The following SHISA5 variants were observed in gnomAD, a reference collection of about 807,000 sequenced individuals.
The protein encoded by SHISA5 is shisa family member 5, also known as protein shisa-5.
SHISA5 carries 21 observed loss-of-function variants against 27.5 expected under a neutral mutation model. The ratio of observed to expected loss-of-function variants is 0.76; its 90% CI spans 0.54 to 1.10. The LOEUF (loss-of-function observed/expected upper bound fraction) is 1.10. SHISA5 is among the 50% of genes least tolerant of loss of function. The pLI is 0.00. For synonymous variants in SHISA5, 137 were observed against 142.2 expected, an observed-to-expected ratio of 0.96 and a Z score of 0.26; for missense variants, 314 against 336.3, an observed-to-expected ratio of 0.93 and a Z score of 0.52.
upstream of SHISA5, chr3:48,504,214 C>G (rs1262957222): frequency 2.4e-6 from 1 of 410,324 alleles, no homozygotes; most frequent in Non-Finnish European, 4.1e-6. This position sits in a 1 kb window ranked among gnomAD's most constrained non-coding sequence, Gnocchi z 4.0. Flanking sequence ...GGCTGGTTCC[C>G]GGAACCTCTG....
At chr3:48,479,983 A>G (rs1575313736) in intron 2 of SHISA5, among the ~76,000 whole-genome samples, 2 of 151,202 alleles carry the variant, frequency 1.3e-5, no homozygotes, top group Admixed American at 1.3e-4. Context: ...GGCTCACTGC[A>G]AGCTCCGCCT....
Position 48,504,079 on chromosome 3 carries a change from G to C in SHISA5, c.16C>G (p.Pro6Ala). Residue 6 changes from proline (P) to alanine (A), a missense_variant, in exon 1 of 6, where the codon CCC (proline) becomes GCC (alanine). Transcript: ENST00000296444. This position sits in a 1 kb window ranked among gnomAD's most constrained non-coding sequence, Gnocchi z 4.0. Reference sequence around the variant, plus strand: ...AACGGCAACAGGATCCGCGGCGCGGGGACCGGCGCAGTCATGGCTGGGCGG... The same window carrying C: ...AACGGCAACAGGATCCGCGGCGCGGCGACCGGCGCAGTCATGGCTGGGCGG... MTAPV[P>A]APRILLPLLL... The C allele has an allele frequency of 7.2e-7, 1 of 1,398,352 alleles. No homozygotes were observed. Among genetic ancestry groups the C allele is most frequent in the Non-Finnish European group, 9.4e-7 (1 of 1,067,816 alleles). The allele number at this position is 1,398,352 out of a possible 1,614,324, so 86.6% of individuals were successfully genotyped here.
upstream of SHISA5, chr3:48,504,190 C>A: frequency 2.0e-6 from 1 of 497,880 alleles, no homozygotes; most frequent in Non-Finnish European, 3.1e-6. This position sits in a 1 kb window ranked among gnomAD's most constrained non-coding sequence, Gnocchi z 4.0. Context: ...CCTCGCCCCG[C>A]CCCGCCCCGG....
intron 3 of SHISA5, chr3:48,477,020 A>G (rs774647736): frequency 2.3e-6 from 1 of 441,124 alleles, no homozygotes; most frequent in South Asian, 1.6e-5. Flanking sequence ...AACCCCAGGA[A>G]GCCACTCCTC....
chr3:48,484,262 T>G (rs1031528837), intron 2 of SHISA5, among the ~76,000 whole-genome samples: 2 of 152,172 alleles, frequency 1.3e-5, no homozygotes, highest in Non-Finnish European at 2.9e-5. Flanking sequence ...CCTAATACAC[T>G]TGGAGGAAAA....
intron 1 of SHISA5, among the ~76,000 whole-genome samples, chr3:48,502,798 C>T (rs1054727908): frequency 2.6e-5 from 4 of 152,208 alleles, no homozygotes; most frequent in African/African-American, 9.7e-5. Flanking sequence ...ATAACTACAT[C>T]GGCCTGGAAA....
rs557520702 is a variant in SHISA5, at chr3:48,473,771, A to G, written c.315-3928T>C. On this transcript the variant is annotated intron_variant, in intron 3 of 5. Transcript: ENST00000296444. The surrounding 1 kb of genome is among the most constrained non-coding windows in gnomAD (Gnocchi z 4.3). ...ATGTATTATAGTTGACAATAAAAGA[A>G]GAAAAGAGGCCATGTGCAGTGGCTC... Among the ~76,000 whole-genome samples the G allele has an allele frequency of 6.6e-5, 10 of 152,294 alleles. No homozygotes were observed. The highest frequency in any genetic ancestry group is 5.8e-4 in the East Asian group (3 of 5,182).
intron 2 of SHISA5, among the ~76,000 whole-genome samples, chr3:48,489,282 A>T (rs2041348111): frequency 6.7e-6 from 1 of 150,148 alleles, no homozygotes; most frequent in Non-Finnish European, 1.5e-5. Flanking sequence ...AAAGTGGCCC[A>T]GAGAAGGCAA....
chr3:48,503,283 T>G, intron 1 of SHISA5: 1 of 750,076 alleles, frequency 1.3e-6, no homozygotes, highest in Non-Finnish European at 2.0e-6. Context: ...TGACCGACCC[T>G]CCTACAGGCT....
In SHISA5 at chr3:48,473,444, C is replaced by A; in HGVS notation, c.315-3601G>T. On this transcript the variant is annotated intron_variant, in intron 3 of 5. Transcript: ENST00000296444. This position sits in a 1 kb window ranked among gnomAD's most constrained non-coding sequence, Gnocchi z 4.3. ...TTCCACCTAACCCACCGGCCCTGTT[C>A]CACCAGCCTCCAGGAGGAGCTTCTG... The A allele has an allele frequency of 7.7e-7, 1 of 1,297,144 alleles. No individual in the cohort carries two copies. Among genetic ancestry groups the A allele is most frequent in the Non-Finnish European group, 1.0e-6 (1 of 994,104 alleles). The allele number at this position is 1,297,144 out of a possible 1,614,324, so 80.4% of individuals were successfully genotyped here.
chr3:48,496,827 A>C (rs780167320), intron 2 of SHISA5, among the ~76,000 whole-genome samples: 4 of 152,032 alleles, frequency 2.6e-5, no homozygotes, highest in Non-Finnish European at 4.4e-5. Context: ...ACTTTGAAAT[A>C]GAAAAAATAT....
chr3:48,502,311 T>C (rs1424803581), intron 1 of SHISA5: 1 of 449,430 alleles, frequency 2.2e-6, no homozygotes, highest in Non-Finnish European at 4.5e-6. Context: ...TCAGAAATTG[T>C]CACACCCACC....
rs1429861445 is a variant in SHISA5, at chr3:48,469,798, A to G, written c.360T>C (p.Ser120=). ...LAVGLTIFVL[S]VVTIIICFTC... is the part of the protein sequence containing the mutation. ...TGAAGCAGATGATGATAGTGACGACAGACAGCACAAAGATGGTCAGGCCAA... is the reference window on the plus strand; with the variant it reads ...TGAAGCAGATGATGATAGTGACGACGGACAGCACAAAGATGGTCAGGCCAA... Residue 120 remains serine (S), a synonymous_variant, in exon 4 of 6, where the codon TCT becomes TCC. Coordinates refer to ENST00000296444, the MANE Select transcript of SHISA5 (RefSeq NM_016479.6). The surrounding 1 kb of genome is among the most constrained non-coding windows in gnomAD (Gnocchi z 4.6). 1.9e-6 allele frequency: 3 copies of G among 1,614,144 alleles called. No homozygotes were observed. The highest frequency in any genetic ancestry group is 2.2e-5 in the East Asian group (1 of 44,878).
chr3:48,485,513 A>AT (rs71074251), intron 2 of SHISA5, among the ~76,000 whole-genome samples: 12,144 of 144,104 alleles, frequency 0.084, 943 homozygotes, highest in African/African-American at 0.2. Context: ...AAAAATATAT[A>AT]TTTTTATATA....
intron 3 of SHISA5, among the ~76,000 whole-genome samples, chr3:48,471,578 A>AAAAT (rs199983750): frequency 8.8e-6 from 1 of 113,620 alleles, no homozygotes; most frequent in African/African-American, 3.6e-5. Context: ...AAAAAAAAAA[A>AAAAT]GTCAGCCTTA....
intron 2 of SHISA5, among the ~76,000 whole-genome samples, chr3:48,485,059 G>A (rs1432287315): frequency 6.6e-6 from 1 of 151,972 alleles, no homozygotes; most frequent in Non-Finnish European, 1.5e-5. Flanking sequence ...TGGGCATGTG[G>A]TCCCAGCTAC....
At chr3:48,500,501 C>T (rs2041721664) in intron 2 of SHISA5, among the ~76,000 whole-genome samples, 2 of 152,004 alleles carry the variant, frequency 1.3e-5, no homozygotes, top group Admixed American at 6.6e-5. Context: ...TTGCCCAGAC[C>T]CAGGATGATC....
intron 2 of SHISA5, among the ~76,000 whole-genome samples, chr3:48,488,329 G>A (rs2041313380): frequency 7.0e-6 from 1 of 141,908 alleles, no homozygotes. Context: ...CCTGGTTCAC[G>A]CCATTCTCCT....
intron 1 of SHISA5, among the ~76,000 whole-genome samples, chr3:48,503,423 G>A (rs946255641): frequency 6.6e-6 from 1 of 152,156 alleles, no homozygotes; most frequent in South Asian, 2.1e-4. Context: ...ACCCCAAAAG[G>A]GTCTTTGGCT....
Sources: allele counts gnomAD v4.1 joint callset (sites outside exome capture counted in the v4.1 genomes callset), GRCh38; gene constraint gnomAD v4.1.1; non-coding constraint Gnocchi (gnomAD v3.1); transcripts MANE v1.5; gene names NCBI Gene and HGNC (gene_info 2026-07-23, HGNC 2026-07-21).